Variants in TRIM2 observed in about 807,000 individuals in gnomAD.
TRIM2 encodes the protein tripartite motif-containing protein 2.
In TRIM2, 20 loss-of-function variants were observed where a neutral mutation model predicts 75.2. The observed-to-expected ratio is 0.27, with a 90% CI of 0.19 to 0.39. TRIM2 has a LOEUF of 0.39. Ranked by LOEUF, TRIM2 falls within the 10% of genes least tolerant of loss-of-function variation. The pLI, the probability that TRIM2 is intolerant of heterozygous loss-of-function variation, is 1.00. For missense variants in TRIM2, 660 were observed against 990.8 expected (o/e 0.67, Z 4.48); for synonymous variants, 373 against 388.3 (o/e 0.96, Z 0.46).
At chr4:153,220,770 G>A (rs1366327967) in intron 1 of TRIM2, among the ~76,000 whole-genome samples, 2 of 151,838 alleles carry the variant, frequency 1.3e-5, no homozygotes, top group African/African-American at 4.8e-5. Flanking sequence ...TACCCAAATG[G>A]TCAACAAGCA....
intron 6 of TRIM2, chr4:153,310,390 A>G (rs1363748995): frequency 6.6e-6 from 1 of 152,238 alleles, no homozygotes; most frequent in Non-Finnish European, 1.5e-5. Context: ...ATTTACTGAA[A>G]AGCTTGAAGA....
At chr4:153,221,980 A>AAGGAAGGAAAGAGTG (rs1560835717) in intron 1 of TRIM2, among the ~76,000 whole-genome samples, 1 of 42,650 alleles carries the variant, frequency 2.3e-5, no homozygotes. Flanking sequence ...GGGAGGAAGG[A>AAGGAAGGAAAGAGTG]AGGAAGGGAG....
intron 6 of TRIM2, among the ~76,000 whole-genome samples, chr4:153,312,381 CAA>C (rs1418312548): frequency 6.6e-6 from 1 of 151,942 alleles, no homozygotes; most frequent in African/African-American, 2.4e-5. Flanking sequence ...ACAACCCCAT[CAA>C]AAAGTGGGCG....
intron 1 of TRIM2, among the ~76,000 whole-genome samples, chr4:153,193,650 G>A (rs1223799687): frequency 6.6e-6 from 1 of 152,190 alleles, no homozygotes; most frequent in Non-Finnish European, 1.5e-5. Context: ...TGTGGATAAG[G>A]AAACATAGGC....
intron 6 of TRIM2, among the ~76,000 whole-genome samples, chr4:153,303,741 A>T (rs567413391): frequency 1.3e-5 from 2 of 152,352 alleles, no homozygotes; most frequent in Admixed American, 1.3e-4. Context: ...TAAAACATGT[A>T]TTGGTGTTTA....
At chr4:153,222,028 A>AGGGAGGGAGGGAGGAAG in intron 1 of TRIM2, among the ~76,000 whole-genome samples, 1 of 44,078 alleles carries the variant, frequency 2.3e-5, no homozygotes, top group Non-Finnish European at 5.0e-5. Context: ...AGAGCAAGGA[A>AGGGAGGGAGGGAGGAAG]GGAAGGAAAG....
intron 1 of TRIM2, among the ~76,000 whole-genome samples, chr4:153,254,517 G>A (rs1200544834): frequency 6.6e-6 from 1 of 152,220 alleles, no homozygotes; most frequent in East Asian, 1.9e-4. Flanking sequence ...CCCCGAGTCC[G>A]GCCACTTGAG....
In TRIM2 at chr4:153,337,900, C is replaced by T. The variant is rs190561534; in HGVS notation, c.*2934C>T. On this transcript the variant is annotated 3_prime_UTR_variant, in exon 12 of 12. Transcript: ENST00000338700. ...CGACGCATTTCCTCCCAGTACAGAC[C>T]CCCCAGCCCCCCTTGCTGGACATGG... 4.5e-4 allele frequency: 445 copies of T among 985,754 alleles called. No individual in the cohort carries two copies. Among genetic ancestry groups the T allele is most frequent in the Non-Finnish European group, 5.1e-4 (427 of 829,906 alleles). The allele number at this position is 985,754 out of a possible 1,614,324, so 61.1% of individuals were successfully genotyped here.
chr4:153,282,593 T>C (rs1250497515), intron 3 of TRIM2, among the ~76,000 whole-genome samples: 2 of 152,132 alleles, frequency 1.3e-5, no homozygotes, highest in East Asian at 3.8e-4. Context: ...AAATTTAATA[T>C]TTCAACAATT....
chr4:153,267,664 A>G (rs1431857848), intron 1 of TRIM2, among the ~76,000 whole-genome samples: 5 of 152,198 alleles, frequency 3.3e-5, no homozygotes, highest in African/African-American at 1.2e-4. Flanking sequence ...AAATAATAGT[A>G]ATAATAAAGA....
intron 6 of TRIM2, among the ~76,000 whole-genome samples, chr4:153,315,141 TA>T (rs1362522465): frequency 6.6e-6 from 1 of 152,064 alleles, no homozygotes; most frequent in Non-Finnish European, 1.5e-5. Context: ...TGCCATAGGG[TA>T]AAGTGGGAAA....
chr4:153,306,830 T>G (rs1391346862), intron 6 of TRIM2, among the ~76,000 whole-genome samples: 1 of 152,212 alleles, frequency 6.6e-6, no homozygotes, highest in Non-Finnish European at 1.5e-5. Flanking sequence ...AGAGCTCCCC[T>G]GGCCTCCCAG....
intron 3 of TRIM2, 88 bp downstream of exon 3, chr4:153,276,218 A>C: frequency 1.9e-6 from 2 of 1,072,436 alleles, no homozygotes; most frequent in Non-Finnish European, 2.8e-6. Context: ...TTACAGATTG[A>C]AACAGAACTC....
chr4:153,286,396 A>G (rs1030106653), intron 3 of TRIM2, among the ~76,000 whole-genome samples: 3 of 152,118 alleles, frequency 2.0e-5, no homozygotes, highest in South Asian at 2.1e-4. Flanking sequence ...TTTAAGGAAG[A>G]TTGGTGTTAG....
At chr4:153,276,220 A>G (rs1243406863) in intron 3 of TRIM2, 90 bp downstream of exon 3, 43 of 1,058,440 alleles carry the variant, frequency 4.1e-5, no homozygotes, top group Non-Finnish European at 5.9e-5. Flanking sequence ...ACAGATTGAA[A>G]CAGAACTCCA....
Position 153,271,972 on chromosome 4 carries a change from G to A in TRIM2, c.215+1453G>A, listed in dbSNP as rs988750475. 3.3e-5 allele frequency among the ~76,000 whole-genome samples: 5 copies of A among 152,224 alleles called. No homozygotes were observed. The East Asian group carries it at 9.7e-4, about 29-fold the overall frequency. On this transcript the variant is annotated intron_variant, in intron 2 of 11. Coordinates refer to ENST00000338700, the MANE Select transcript of TRIM2 (RefSeq NM_015271.5). ...ACAGGTGAGAAGCAACACTCTGGCT[G>A]CCCTAGGTCTGCCCCTGCTATCTTC... is the stretch of plus-strand genomic sequence containing the variant.
intron 1 of TRIM2, among the ~76,000 whole-genome samples, chr4:153,205,789 T>C (rs1735246569): frequency 6.6e-6 from 1 of 152,208 alleles, no homozygotes. Flanking sequence ...TTGCGGATCC[T>C]GGAGGTATTA....
chr4:153,279,709 G>T (rs183932573), intron 3 of TRIM2, among the ~76,000 whole-genome samples: 2 of 152,102 alleles, frequency 1.3e-5, no homozygotes, highest in African/African-American at 4.8e-5. Context: ...TTGGGAGGCC[G>T]AGACAGGTGG....
At chr4:153,238,814 T>C (rs149739574) in intron 1 of TRIM2, among the ~76,000 whole-genome samples, 1 of 152,180 alleles carries the variant, frequency 6.6e-6, no homozygotes, top group African/African-American at 2.4e-5. Context: ...TTTAAGTCAC[T>C]GCAAGAGGCC....
Sources: gnomAD v4.1 joint callset for allele counts (sites outside exome capture counted in the v4.1 genomes callset) on GRCh38, gnomAD v4.1.1 for gene constraint, MANE v1.5 for transcripts, NCBI Gene and HGNC (gene_info 2026-07-23, HGNC 2026-07-21) for gene names.